Variants in ITPKB observed in about 807,000 individuals in gnomAD.
The protein encoded by ITPKB is IP3 3-kinase B.
In ITPKB, 13 loss-of-function variants were observed where a neutral mutation model predicts 69.4. That is an observed-to-expected ratio of 0.19 (90% CI 0.12 to 0.30). The LOEUF (loss-of-function observed/expected upper bound fraction) is 0.30. Ranked by LOEUF, ITPKB falls within the 10% of genes least tolerant of loss-of-function variation. The pLI, the probability that ITPKB is intolerant of heterozygous loss-of-function variation, is 1.00. For missense variants in ITPKB, 1,240 were observed against 1,250.5 expected (o/e 0.99, Z 0.13); for synonymous variants, 584 against 513.7 (o/e 1.14, Z -1.85).
intron 2 of ITPKB, among the ~76,000 whole-genome samples, chr1:226,649,135 T>A (rs1669119951): frequency 6.6e-6 from 1 of 152,218 alleles, no homozygotes; most frequent in African/African-American, 2.4e-5. Context: ...GAAGAGAGAC[T>A]TTAAAGAAAT....
chr1:226,632,090 A>G lies in ITPKB; in HGVS notation c.*2581T>C, dbSNP rs142787631. On this transcript the variant is annotated 3_prime_UTR_variant, in exon 8 of 8. Coordinates refer to ENST00000429204, the MANE Select transcript of ITPKB (RefSeq NM_002221.4). ...GTCTTAGTGTTCTGTGCAATTTTAA[A>G]ACCCAACAAAATAAATATAACTTAA... is the stretch of plus-strand genomic sequence containing the variant. 6.5e-6 allele frequency: 1 copy of G among 152,776 alleles called. No individual in the cohort carries two copies. Among genetic ancestry groups the G allele is most frequent in the East Asian group, 1.9e-4 (1 of 5,184 alleles). 9.5% of individuals were successfully genotyped at this position (152,776 alleles called of 1,614,324 possible). A position where few individuals can be genotyped will look rare whatever the true frequency, so the allele number is the denominator to read the frequency against.
At chr1:226,707,146 C>A in intron 2 of ITPKB, 1 of 812,478 alleles carries the variant, frequency 1.2e-6, no homozygotes, top group South Asian at 5.7e-5. Flanking sequence ...TAGAATAATT[C>A]AGAATAAAAA....
chr1:226,655,017 A>G (rs2102751641), intron 2 of ITPKB, among the ~76,000 whole-genome samples: 1 of 149,092 alleles, frequency 6.7e-6, no homozygotes, highest in East Asian at 2.0e-4. Context: ...CGAAGAGGAA[A>G]GAGGAGGAGG....
rs554060404 is a variant in ITPKB at position 226,719,226 on chromosome 1, C to T, written c.1932+16301G>A. On this transcript the variant is annotated intron_variant, in intron 2 of 7. Coordinates refer to ENST00000429204, the MANE Select transcript of ITPKB (RefSeq NM_002221.4). ...CCCAGGAGGCAGAGGTTCCAGTGAG[C>T]CAAGATCACACCACTGCCCTCCAGC... Among the ~76,000 whole-genome samples, 3 of 152,312 alleles carry T rather than the reference C, an allele frequency of 2.0e-5. No individual in the cohort carries two copies. The East Asian group carries it at 5.8e-4, about 29-fold the overall frequency.
chr1:226,695,901 G>A (rs968899666), intron 2 of ITPKB, among the ~76,000 whole-genome samples: 12 of 152,126 alleles, frequency 7.9e-5, no homozygotes, highest in African/African-American at 2.2e-4. Context: ...AGAGGGAAGC[G>A]GGGAGGAGGG....
intron 2 of ITPKB, among the ~76,000 whole-genome samples, chr1:226,719,942 T>C (rs149617473): frequency 6.6e-6 from 1 of 152,222 alleles, no homozygotes; most frequent in Admixed American, 6.5e-5. Context: ...GCTCCCCTTT[T>C]CTGCTATCAG....
chr1:226,709,668 T>G (rs926814706), intron 2 of ITPKB, among the ~76,000 whole-genome samples: 4 of 152,078 alleles, frequency 2.6e-5, no homozygotes, highest in Admixed American at 1.3e-4. Flanking sequence ...AATATGAAAC[T>G]TCCATGACTG....
At chr1:226,649,757 G>A (rs544621974) in intron 2 of ITPKB, among the ~76,000 whole-genome samples, 3 of 151,526 alleles carry the variant, frequency 2.0e-5, no homozygotes, top group South Asian at 4.2e-4. Flanking sequence ...ACGAAGCTGG[G>A]ATTTAAACAT....
At chr1:226,701,597 C>G (rs1656639665) in intron 2 of ITPKB, among the ~76,000 whole-genome samples, 1 of 118,374 alleles carries the variant, frequency 8.4e-6, no homozygotes, top group Non-Finnish European at 1.7e-5. Context: ...GAGTGAGACT[C>G]CGTCTCAAAA....
chr1:226,658,937 G>A (rs140651091), intron 2 of ITPKB, among the ~76,000 whole-genome samples: 2 of 152,282 alleles, frequency 1.3e-5, no homozygotes, highest in African/African-American at 4.8e-5. Context: ...ACTAGCTCCA[G>A]GTGAGCGCTC....
At chr1:226,716,263 TCATATA>T (rs1345623259) in intron 2 of ITPKB, among the ~76,000 whole-genome samples, 2 of 152,224 alleles carry the variant, frequency 1.3e-5, no homozygotes, top group African/African-American at 4.8e-5. Flanking sequence ...TTTGTATATC[TCATATA>T]AACCCAAATC....
chr1:226,722,140 T>G (rs1443831090), intron 2 of ITPKB, among the ~76,000 whole-genome samples: 1 of 152,194 alleles, frequency 6.6e-6, no homozygotes. Flanking sequence ...GTTGCTCAAG[T>G]CTTCTTTGCA....
rs944793488 is a variant in ITPKB, at chr1:226,637,330, G to A, written c.2625+349C>T. Among the ~76,000 whole-genome samples the A allele has an allele frequency of 1.3e-5, 2 of 152,180 alleles. No homozygotes were observed. Among genetic ancestry groups the A allele is most frequent in the African/African-American group, 2.4e-5 (1 of 41,440 alleles). Reference sequence around the variant, plus strand: ...TCTGAAGATGTAGGTGGCGGTCGGCGGGTGCCTGGCTACTCTAGCAGCTCA... The same window carrying A: ...TCTGAAGATGTAGGTGGCGGTCGGCAGGTGCCTGGCTACTCTAGCAGCTCA... On this transcript the variant is annotated intron_variant, in intron 7 of 7. Coordinates refer to ENST00000429204, the MANE Select transcript of ITPKB (RefSeq NM_002221.4). The surrounding 1 kb of genome is among the most constrained non-coding windows in gnomAD (Gnocchi z 4.3).
chr1:226,641,460 A>G lies in ITPKB; in HGVS notation c.2451+461T>C, dbSNP rs563389208. ...TTCCAATAAATATTTTAAAATTTCC[A>G]AAAAAAGATCGAAGAGCAAAGCAGA... On this transcript the variant is annotated intron_variant, in intron 5 of 7. Transcript: ENST00000429204. This position sits in a 1 kb window ranked among gnomAD's most constrained non-coding sequence, Gnocchi z 4.6. Among the ~76,000 whole-genome samples the G allele has an allele frequency of 6.6e-6, 1 of 152,350 alleles. No homozygotes were observed. Among genetic ancestry groups the G allele is most frequent in the East Asian group, 1.9e-4 (1 of 5,192 alleles).
chr1:226,665,973 T>A (rs1457931148), intron 2 of ITPKB, among the ~76,000 whole-genome samples: 3 of 152,216 alleles, frequency 2.0e-5, no homozygotes, highest in Non-Finnish European at 1.5e-5. Flanking sequence ...TCTGGGGATT[T>A]CACAGTGTAG....
rs1327722622 is a variant in ITPKB, at chr1:226,637,541, A to G, written c.2625+138T>C. On this transcript the variant is annotated intron_variant, in intron 7 of 7. Coordinates refer to ENST00000429204, the MANE Select transcript of ITPKB (RefSeq NM_002221.4). The surrounding 1 kb of genome is among the most constrained non-coding windows in gnomAD (Gnocchi z 4.3). ...TGAGACGCAGCTCCCCCGTGCAGCG[A>G]GGGTCTGGTCCCTGATGGCCTGCCT... 7.3e-6 allele frequency: 5 copies of G among 681,940 alleles called. No individual in the cohort carries two copies. Among genetic ancestry groups the G allele is most frequent in the Admixed American group, 2.2e-5 (1 of 44,602 alleles). The allele number at this position is 681,940 out of a possible 1,614,324, so 42.2% of individuals were successfully genotyped here.
chr1:226,654,813 T>G (rs1022190905), intron 2 of ITPKB, among the ~76,000 whole-genome samples: 4 of 151,960 alleles, frequency 2.6e-5, no homozygotes, highest in Non-Finnish European at 4.4e-5. Context: ...CTTCAACAAA[T>G]CAGAGGGCAA....
At chr1:226,721,836 G>A (rs1343199219) in intron 2 of ITPKB, among the ~76,000 whole-genome samples, 1 of 145,002 alleles carries the variant, frequency 6.9e-6, no homozygotes, top group East Asian at 2.0e-4. Context: ...TTCTTGAGAT[G>A]GAGTTTTGTT....
At chr1:226,686,579 G>A (rs1009566447) in intron 2 of ITPKB, among the ~76,000 whole-genome samples, 1 of 152,178 alleles carries the variant, frequency 6.6e-6, no homozygotes, top group African/African-American at 2.4e-5. Flanking sequence ...CTGCGTCAGC[G>A]TGCGGTGTAA....
Sources: gnomAD v4.1 joint callset for allele counts (sites outside exome capture counted in the v4.1 genomes callset) on GRCh38, gnomAD v4.1.1 for gene constraint, Gnocchi (gnomAD v3.1) non-coding constraint, MANE v1.5 for transcripts, NCBI Gene and HGNC (gene_info 2026-07-23, HGNC 2026-07-21) for gene names.